Variants in SUPT3H observed in about 807,000 individuals in gnomAD.
The protein encoded by SUPT3H is transcription initiation protein SPT3 homolog.
In SUPT3H, 44 loss-of-function variants were observed where a neutral mutation model predicts 44.3. That is an observed-to-expected ratio of 0.99 (90% CI 0.78 to 1.28). The LOEUF is 1.28. Among genes scored for constraint, SUPT3H ranks in the 50% most tolerant of loss-of-function variants. The probability of loss-of-function intolerance (pLI) is 0.00; values close to 1 mark genes in which losing one functional copy is unlikely to be tolerated. For synonymous variants in SUPT3H, 124 were observed against 125.6 expected, an observed-to-expected ratio of 0.99 and a Z score of 0.09; for missense variants, 380 against 387.1, an observed-to-expected ratio of 0.98 and a Z score of 0.15.
intron 2 of SUPT3H, chr6:45,328,883 A>T: frequency 2.5e-6 from 3 of 1,200,774 alleles, no homozygotes; most frequent in Non-Finnish European, 3.7e-6. Context: ...ATAGCATATT[A>T]AAGATCCTAA....
chr6:45,198,144 C>A (rs1308569875), intron 2 of SUPT3H, among the ~76,000 whole-genome samples: 1 of 151,284 alleles, frequency 6.6e-6, no homozygotes, highest in Non-Finnish European at 1.5e-5. Context: ...TTAATCATAT[C>A]TTCTTAAGAG....
intron 2 of SUPT3H, among the ~76,000 whole-genome samples, chr6:45,299,884 C>T (rs946315277): frequency 2.0e-5 from 3 of 151,672 alleles, no homozygotes; most frequent in African/African-American, 7.3e-5. Flanking sequence ...TATTGTCCAA[C>T]ATTTTGTCAT....
At chr6:45,180,059 C>T (rs1037430981) in intron 2 of SUPT3H, among the ~76,000 whole-genome samples, 6 of 150,284 alleles carry the variant, frequency 4.0e-5, no homozygotes, top group African/African-American at 1.2e-4. Flanking sequence ...CACAAGCATT[C>T]TTATACACCA....
intron 1 of SUPT3H, among the ~76,000 whole-genome samples, chr6:45,374,728 C>T (rs539767322): frequency 7.7e-4 from 118 of 152,296 alleles, no homozygotes; most frequent in Non-Finnish European, 1.4e-3. Context: ...GACTACCATG[C>T]AGTCACCCCC....
intron 2 of SUPT3H, chr6:45,328,130 A>T (rs1786685113): frequency 2.2e-6 from 1 of 445,010 alleles, no homozygotes; most frequent in South Asian, 2.5e-5. Context: ...GGATGCCAGG[A>T]AAGGCCTTAC....
intron 2 of SUPT3H, among the ~76,000 whole-genome samples, chr6:45,147,017 A>G (rs1176220118): frequency 6.6e-6 from 1 of 152,192 alleles, no homozygotes; most frequent in Non-Finnish European, 1.5e-5. Flanking sequence ...CTAAAATTCT[A>G]GACACTTTAC....
intron 3 of SUPT3H, among the ~76,000 whole-genome samples, chr6:45,086,854 G>C (rs1401225536): frequency 2.0e-5 from 3 of 151,850 alleles, no homozygotes; most frequent in Non-Finnish European, 4.4e-5. Context: ...TAATATTTAA[G>C]ATATCAGTAA....
intron 2 of SUPT3H, among the ~76,000 whole-genome samples, chr6:45,260,910 A>G (rs894595319): frequency 6.6e-6 from 1 of 152,142 alleles, no homozygotes; most frequent in African/African-American, 2.4e-5. Flanking sequence ...CAGCTGCGTC[A>G]GGTGTCCTGG....
At chr6:44,867,136 C>T (rs1228937058) in intron 10 of SUPT3H, among the ~76,000 whole-genome samples, 1 of 151,452 alleles carries the variant, frequency 6.6e-6, no homozygotes, top group Admixed American at 6.6e-5. Flanking sequence ...TAGACAGTTA[C>T]TTATAAAGGA....
intron 2 of SUPT3H, among the ~76,000 whole-genome samples, chr6:45,308,822 G>A (rs1783516916): frequency 6.6e-6 from 1 of 150,926 alleles, no homozygotes; most frequent in Admixed American, 6.6e-5. Context: ...GCACAATTTG[G>A]TTTGTTATGC....
chr6:44,975,285 A>G (rs557258764), intron 6 of SUPT3H, among the ~76,000 whole-genome samples: 1 of 152,352 alleles, frequency 6.6e-6, no homozygotes, highest in Admixed American at 6.5e-5. Flanking sequence ...TTGACTCTTT[A>G]TATAGAAAAC....
At chr6:45,132,826 T>C (rs929444835) in intron 2 of SUPT3H, among the ~76,000 whole-genome samples, 6 of 152,170 alleles carry the variant, frequency 3.9e-5, no homozygotes, top group Admixed American at 2.6e-4. Flanking sequence ...ACAGAAATGA[T>C]CTAATTCAAT....
chr6:45,182,925 C>T (rs1813542934), intron 2 of SUPT3H, among the ~76,000 whole-genome samples: 1 of 152,136 alleles, frequency 6.6e-6, no homozygotes, highest in Non-Finnish European at 1.5e-5. Flanking sequence ...TGGGTGGATC[C>T]TCAAAAGGTT....
At chr6:44,915,267 A>G (rs1043709005) in intron 10 of SUPT3H, among the ~76,000 whole-genome samples, 3 of 152,244 alleles carry the variant, frequency 2.0e-5, no homozygotes, top group African/African-American at 7.2e-5. Flanking sequence ...AGGTTTGAAG[A>G]AAAGTATGTA....
At chr6:44,883,509 T>A (rs1359226335) in intron 10 of SUPT3H, among the ~76,000 whole-genome samples, 1 of 152,176 alleles carries the variant, frequency 6.6e-6, no homozygotes, top group Non-Finnish European at 1.5e-5. Context: ...ACTTTCTTCA[T>A]ACAATTAGAT....
At chr6:45,139,212 T>C (rs1189338535) in intron 2 of SUPT3H, among the ~76,000 whole-genome samples, 1 of 152,224 alleles carries the variant, frequency 6.6e-6, no homozygotes, top group African/African-American at 2.4e-5. Context: ...AAATGATACT[T>C]AAAAATATAA....
chr6:44,865,486 T>C (rs1371273989), intron 10 of SUPT3H, among the ~76,000 whole-genome samples: 2 of 152,052 alleles, frequency 1.3e-5, no homozygotes, highest in African/African-American at 4.8e-5. Context: ...TTTAATGGAC[T>C]CACAGTTCCA....
intron 2 of SUPT3H, among the ~76,000 whole-genome samples, chr6:45,286,671 G>A (rs1209695190): frequency 1.3e-5 from 2 of 152,180 alleles, no homozygotes; most frequent in Non-Finnish European, 2.9e-5. Context: ...AACCATTGTG[G>A]AAGTCAGTGT....
chr6:44,866,920 A>T (rs1292553930), intron 10 of SUPT3H, among the ~76,000 whole-genome samples: 5 of 152,222 alleles, frequency 3.3e-5, no homozygotes, highest in African/African-American at 1.2e-4. Context: ...GTAAAGACAT[A>T]TTCCATAGTA....
Sources: gnomAD v4.1 joint callset for allele counts (sites outside exome capture counted in the v4.1 genomes callset) on GRCh38, gnomAD v4.1.1 for gene constraint, MANE v1.5 for transcripts, NCBI Gene and HGNC (gene_info 2026-07-23, HGNC 2026-07-21) for gene names.